NBEA: variants seen among roughly 807,000 people sequenced by gnomAD.
NBEA encodes lysosomal-trafficking regulator 2.
A neutral mutation model predicts 343.4 loss-of-function variants in NBEA; 44 were observed. The ratio of observed to expected loss-of-function variants is 0.13; its 90% CI spans 0.10 to 0.16. The LOEUF (loss-of-function observed/expected upper bound fraction) is 0.16, where lower values mean the gene tolerates loss of function less well. Among genes scored for constraint, NBEA ranks in the 10% least tolerant of loss-of-function variants. The pLI is 1.00. For synonymous variants in NBEA, 1,175 were observed against 1,238.7 expected (o/e 0.95, Z 1.08); for missense variants, 2,555 against 3,631.3 (o/e 0.70, Z 7.62).
At chr13:35,445,798 A>ATATATATATATATATATATG (rs1282455344) in intron 39 of NBEA, among the ~76,000 whole-genome samples, 1 of 83,960 alleles carries the variant, frequency 1.2e-5, no homozygotes, top group African/African-American at 5.4e-5. Context: ...ATATATATAT[A>ATATATATATATATATATATG]TATATATATA....
chr13:35,502,655 A>G (rs558294194), intron 41 of NBEA, among the ~76,000 whole-genome samples: 10 of 152,158 alleles, frequency 6.6e-5, no homozygotes, highest in African/African-American at 1.7e-4. Flanking sequence ...TGACCTCACT[A>G]TGGTAGCTTG....
At chr13:35,129,829 C>T (rs1349702612) in intron 17 of NBEA, among the ~76,000 whole-genome samples, 1 of 151,752 alleles carries the variant, frequency 6.6e-6, no homozygotes, top group Non-Finnish European at 1.5e-5. Flanking sequence ...CTCCAGAACC[C>T]AACAAGGACA....
At chr13:35,495,278 A>C (rs2152976301) in intron 41 of NBEA, among the ~76,000 whole-genome samples, 1 of 152,152 alleles carries the variant, frequency 6.6e-6, no homozygotes, top group East Asian at 1.9e-4. Flanking sequence ...ACATACAAAG[A>C]GAAACACTTT....
intron 34 of NBEA, among the ~76,000 whole-genome samples, chr13:35,284,800 A>C (rs1016557385): frequency 6.6e-6 from 1 of 152,182 alleles, no homozygotes; most frequent in East Asian, 1.9e-4. Context: ...AGCATATCAC[A>C]GTGAGGGAAT....
At chr13:35,306,951 A>T (rs572965198) in intron 35 of NBEA, among the ~76,000 whole-genome samples, 45 of 152,134 alleles carry the variant, frequency 3.0e-4, no homozygotes, top group African/African-American at 1.0e-3. Context: ...CAATATTTCT[A>T]TGTAAATAAT....
At chr13:35,284,588 T>C (rs1007067399) in intron 34 of NBEA, among the ~76,000 whole-genome samples, 5 of 152,170 alleles carry the variant, frequency 3.3e-5, no homozygotes, top group African/African-American at 1.2e-4. Flanking sequence ...CCTATATACA[T>C]CTTAATATTA....
intron 8 of NBEA, among the ~76,000 whole-genome samples, chr13:35,060,803 C>T (rs972871622): frequency 2.6e-5 from 4 of 151,436 alleles, no homozygotes; most frequent in African/African-American, 7.3e-5. Context: ...GAGTAGTTCA[C>T]ACATTATAGT....
intron 36 of NBEA, among the ~76,000 whole-genome samples, chr13:35,320,032 C>T (rs983235301): frequency 2.0e-5 from 3 of 151,986 alleles, no homozygotes; most frequent in Non-Finnish European, 4.4e-5. Context: ...ACTGATGGGT[C>T]GTGACTCTTT....
chr13:35,403,771 A>G (rs1290309720), intron 38 of NBEA, among the ~76,000 whole-genome samples: 1 of 152,046 alleles, frequency 6.6e-6, no homozygotes, highest in East Asian at 1.9e-4. Context: ...TAATTAAACT[A>G]AAGAGCTTCT....
intron 6 of NBEA, among the ~76,000 whole-genome samples, chr13:35,052,104 A>C (rs940190637): frequency 2.6e-5 from 4 of 152,064 alleles, no homozygotes; most frequent in African/African-American, 7.2e-5. Context: ...GGATTTTAAA[A>C]AGTCTTTTGT....
intron 38 of NBEA, among the ~76,000 whole-genome samples, chr13:35,427,668 A>G (rs1323670244): frequency 6.6e-6 from 1 of 152,196 alleles, no homozygotes; most frequent in Non-Finnish European, 1.5e-5. Flanking sequence ...GCTGTCAGAC[A>G]GGGACATTTA....
chr13:35,491,514 C>G (rs890592415), intron 41 of NBEA, among the ~76,000 whole-genome samples: 7 of 151,798 alleles, frequency 4.6e-5, no homozygotes, highest in Non-Finnish European at 1.5e-5. Flanking sequence ...TTTCCGGTTT[C>G]TTAGGCCAAC....
Position 35,196,232 on chromosome 13 carries a change from C to G in NBEA, c.5296C>G (p.Pro1766Ala). Reference sequence around the variant, plus strand: ...AGCAGAATGTGGCCCTGAACCTATCCCATACCCAGATCCAGCATTGAAGAG... The same window carrying G: ...AGCAGAATGTGGCCCTGAACCTATCGCATACCCAGATCCAGCATTGAAGAG... ...EIAECGPEPIPYPDPALKRET... is the reference protein window; with the variant it reads ...EIAECGPEPIAYPDPALKRET... Residue 1766 changes from proline (P) to alanine (A), a missense_variant, in exon 31 of 59, where the codon CCA becomes GCA. Coordinates refer to ENST00000379939, the MANE Select transcript of NBEA (RefSeq NM_001385012.1). 6.2e-7 allele frequency: 1 copy of G among 1,613,558 alleles called. No homozygotes were observed. Among genetic ancestry groups the G allele is most frequent in the Non-Finnish European group, 8.5e-7 (1 of 1,179,686 alleles).
At chr13:34,947,570 C>A (rs1485325044) in intron 1 of NBEA, among the ~76,000 whole-genome samples, 2 of 152,038 alleles carry the variant, frequency 1.3e-5, no homozygotes, top group Admixed American at 1.3e-4. Context: ...TATACAATGT[C>A]AGCATATCTC....
chr13:35,459,009 C>T (rs962732209), intron 40 of NBEA, among the ~76,000 whole-genome samples: 1 of 106,260 alleles, frequency 9.4e-6, no homozygotes, highest in East Asian at 2.7e-4. Flanking sequence ...ACCACCGCCC[C>T]CCCCCCCCCA....
intron 33 of NBEA, among the ~76,000 whole-genome samples, chr13:35,232,229 G>A (rs894327452): frequency 7.2e-5 from 11 of 152,096 alleles, no homozygotes; most frequent in Admixed American, 7.2e-4. Context: ...CTCATAGAGC[G>A]GTGGACAGTC....
At chr13:35,505,038 A>G (rs2077023246) in intron 41 of NBEA, among the ~76,000 whole-genome samples, 1 of 151,996 alleles carries the variant, frequency 6.6e-6, no homozygotes, top group Non-Finnish European at 1.5e-5. Flanking sequence ...TGCTTAAAGT[A>G]AATATTATAA....
chr13:35,603,086 C>T (rs1346056843), intron 47 of NBEA, among the ~76,000 whole-genome samples: 1 of 151,984 alleles, frequency 6.6e-6, no homozygotes, highest in East Asian at 1.9e-4. Context: ...GAAAAGTTTC[C>T]CCTTAAAAGG....
chr13:35,434,284 T>C (rs1208431309), intron 39 of NBEA, among the ~76,000 whole-genome samples: 2 of 152,076 alleles, frequency 1.3e-5, no homozygotes, highest in Non-Finnish European at 2.9e-5. Flanking sequence ...AAGTAAAAAA[T>C]AATACCGTAA....
Sources: gnomAD v4.1 joint callset for allele counts (sites outside exome capture counted in the v4.1 genomes callset) on GRCh38, gnomAD v4.1.1 for gene constraint, MANE v1.5 for transcripts, NCBI Gene and HGNC (gene_info 2026-07-23, HGNC 2026-07-21) for gene names.